The following FAT2 variants were observed in gnomAD, a reference collection of about 807,000 sequenced individuals.
FAT2 encodes the protein FAT atypical cadherin 2.
Under a neutral mutation model 295.3 loss-of-function variants are expected in FAT2, and 150 were observed. That is an observed-to-expected ratio of 0.51 (90% CI 0.44 to 0.58). The LOEUF (loss-of-function observed/expected upper bound fraction) is 0.58, where lower values mean the gene tolerates loss of function less well. FAT2 is among the 20% of genes least tolerant of loss of function. The pLI, the probability that FAT2 is intolerant of heterozygous loss-of-function variation, is 0.00. For missense variants in FAT2, 4,868 were observed against 5,442.7 expected, an observed-to-expected ratio of 0.89 and a Z score of 3.32; for synonymous variants, 2,026 against 2,150.3, an observed-to-expected ratio of 0.94 and a Z score of 1.60.
rs201146029 is a variant in FAT2 at position 151,537,763 on chromosome 5, T to C, written c.9193+30A>G. The C allele has an allele frequency of 3.8e-6, 6 of 1,593,036 alleles. No individual in the cohort carries two copies. In the African/African-American group the frequency reaches 8.1e-5, roughly 21 times the overall value. On this transcript the variant is annotated intron_variant, in intron 12 of 23. Transcript: ENST00000261800. ...ACTTGGTATTCAGTAAAGAAGTTCT[T>C]GTTTTGATCCTGCAGCTCAGGAAAC...
rs763849585 is a variant in FAT2 at position 151,505,979 on chromosome 5, G to C, written c.12636C>G (p.Thr4212=). The C allele has an allele frequency of 6.4e-7, 1 of 1,573,830 alleles. No individual in the cohort carries two copies. Among genetic ancestry groups the C allele is most frequent in the South Asian group, 1.2e-5 (1 of 84,174 alleles). Residue 4212 remains threonine, a synonymous_variant, in exon 24 of 24, where the codon ACC becomes ACG. Transcript: ENST00000261800. ...CATTAGGCTCTGGCATCACGACTGG[G>C]GTTGAGTGGCGGTGAGCCGAGGGCG... ...PLPPSAHRHS[T]PVVMPEPNGL...
In FAT2 at chr5:151,568,258, T is replaced by G. The variant is rs1377634007; in HGVS notation, c.674A>C (p.Asp225Ala). 1 of 1,614,138 alleles carries G rather than the reference T, an allele frequency of 6.2e-7. No individual in the cohort carries two copies. The highest frequency in any genetic ancestry group is 1.1e-5 in the South Asian group (1 of 91,080). Reference protein sequence around the residue: ...GKHELQVLAVDRMRKISEGNG... With the variant: ...GKHELQVLAVARMRKISEGNG... ...GCCCTCAGAGATTTTCCGCATGCGG[T>G]CCACAGCTAGCACCTGGAGCTCATG... Residue 225 changes from aspartate (D) to alanine (A), a missense_variant, in exon 2 of 24, where the codon GAC becomes GCC. Around this residue, in one of 5 missense-constraint regions of FAT2, gnomAD observed 3,297 missense variants for 3,669.4 expected, o/e 0.90. Transcript: ENST00000261800.
At chr5:151,525,601 G>T (rs1358976124) in intron 18 of FAT2, among the ~76,000 whole-genome samples, 167 bp downstream of exon 18, 1 of 152,180 alleles carries the variant, frequency 6.6e-6, no homozygotes, top group Non-Finnish European at 1.5e-5. Flanking sequence ...AACTATACCT[G>T]CCCTGAGTGT....
chr5:151,523,986 A>G (rs1300445195), intron 18 of FAT2, among the ~76,000 whole-genome samples: 2 of 152,076 alleles, frequency 1.3e-5, no homozygotes, highest in East Asian at 3.9e-4. Flanking sequence ...ACCAACTCCT[A>G]TCAATTTACA....
Position 151,565,691 on chromosome 5 carries a change from T to C in FAT2, c.3241A>G (p.Ser1081Gly). The C allele has an allele frequency of 4.4e-6, 6 of 1,358,660 alleles. No homozygotes were observed. The highest frequency in any genetic ancestry group is 5.9e-6 in the Non-Finnish European group (6 of 1,014,628). 84.2% of individuals were successfully genotyped at this position (1,358,660 alleles called of 1,614,324 possible). A position where few individuals can be genotyped will look rare whatever the true frequency, so the allele number is the denominator to read the frequency against. The part of the protein sequence containing the change: ...LRAGTGLAAF[S>G]INQDTGMIQT... ...CCAGTACCTGTATCTTGGTTGATGC[T>C]GAAGGCTGCGAGTCCAGTGCCAGCA... is the stretch of plus-strand genomic sequence containing the variant. Residue 1081 changes from serine (S) to glycine (G), a missense_variant, in exon 2 of 24, where the codon AGC becomes GGC. Transcript: ENST00000261800.
rs1275042412 is a variant in FAT2, at chr5:151,566,174, C to T, written c.2758G>A (p.Asp920Asn). 7 of 1,614,110 alleles carry T rather than the reference C, an allele frequency of 4.3e-6. No homozygotes were observed. Among genetic ancestry groups the T allele is most frequent in the Non-Finnish European group, 5.9e-6 (7 of 1,180,038 alleles). Residue 920 changes from aspartate to asparagine, a missense_variant, in exon 2 of 24, where the codon GAC becomes AAC. Asp to Asn is a conservative substitution (Grantham distance 23, BLOSUM62 1). Transcript: ENST00000261800. ...DLIITLEDVNDNSPQCITEHN... is the reference protein window; with the variant it reads ...DLIITLEDVNNNSPQCITEHN... ...TCTGTGATGCACTGGGGAGAGTTGT[C>T]GTTGACATCCTCCAATGTGATTATC...
chr5:151,530,919 A>C (rs905646336), intron 14 of FAT2, among the ~76,000 whole-genome samples: 4 of 152,118 alleles, frequency 2.6e-5, no homozygotes, highest in African/African-American at 9.7e-5. Context: ...GGTAAATTTT[A>C]AAAAATATTG....
Position 151,505,703 on chromosome 5 carries a change from T to C in FAT2, c.12912A>G (p.Arg4304=). 2 of 1,613,884 alleles carry C rather than the reference T, an allele frequency of 1.2e-6. No homozygotes were observed. Among genetic ancestry groups the C allele is most frequent in the Non-Finnish European group, 1.7e-6 (2 of 1,179,902 alleles). ...CACAGACAGCATAAGAGGGCCCAGCTCGGCTGAGGCGCATACCCACCCCCT... is the reference window on the plus strand; with the variant it reads ...CACAGACAGCATAAGAGGGCCCAGCCCGGCTGAGGCGCATACCCACCCCCT... The part of the protein sequence containing the change: ...GYKGVGMRLS[R]AGPSYAVCEV... Residue 4304 remains arginine, a synonymous_variant, in exon 24 of 24, where the codon CGA becomes CGG. Transcript: ENST00000261800.
At chr5:151,576,370 G>GA (rs1474756134) in intron 1 of FAT2, among the ~76,000 whole-genome samples, 1 of 152,116 alleles carries the variant, frequency 6.6e-6, no homozygotes, top group Non-Finnish European at 1.5e-5. Context: ...GTGCATATTA[G>GA]AATTACCAGG....
chr5:151,579,747 A>G (rs758392253), intron 1 of FAT2, among the ~76,000 whole-genome samples: 61 of 152,188 alleles, frequency 4.0e-4, no homozygotes, highest in Admixed American at 9.2e-4. Context: ...TAAAAAAAAA[A>G]AGAGAGAGAA....
chr5:151,569,143 C>A (rs923749644), intron 1 of FAT2, among the ~76,000 whole-genome samples, 192 bp from the exon 2 acceptor site: 5 of 152,164 alleles, frequency 3.3e-5, no homozygotes, highest in African/African-American at 9.7e-5. Context: ...TACTGCTAAA[C>A]AACCTACAAT....
At chr5:151,509,409 G>A (rs570671046) in intron 22 of FAT2, 2 of 152,680 alleles carry the variant, frequency 1.3e-5, no homozygotes, top group African/African-American at 4.8e-5. Context: ...CTGGGTCACG[G>A]ACCCATACTG....
chr5:151,584,572 C>T (rs988985857), intron 1 of FAT2, among the ~76,000 whole-genome samples: 3 of 152,162 alleles, frequency 2.0e-5, no homozygotes, highest in South Asian at 2.1e-4. Context: ...TTGGCTGCAC[C>T]GCATACGGTC....
At chr5:151,538,481 G>A (rs1354614521) in intron 11 of FAT2, among the ~76,000 whole-genome samples, 1 of 152,124 alleles carries the variant, frequency 6.6e-6, no homozygotes, top group Non-Finnish European at 1.5e-5. Flanking sequence ...CCATCGCTTG[G>A]CCCACCCTCC....
At chr5:151,576,233 G>C (rs962849571) in intron 1 of FAT2, among the ~76,000 whole-genome samples, 1 of 152,298 alleles carries the variant, frequency 6.6e-6, no homozygotes, top group Middle Eastern at 3.4e-3. Context: ...ATAGGAACAA[G>C]GGGGTATTTT....
At chr5:151,579,838 G>A (rs1459618662) in intron 1 of FAT2, among the ~76,000 whole-genome samples, 2 of 151,928 alleles carry the variant, frequency 1.3e-5, no homozygotes, top group Admixed American at 1.3e-4. Flanking sequence ...CACATGCATG[G>A]CACCTAGTAG....
intron 4 of FAT2, among the ~76,000 whole-genome samples, chr5:151,556,074 A>G (rs369829726): frequency 6.6e-6 from 1 of 152,272 alleles, no homozygotes; most frequent in South Asian, 2.1e-4. Flanking sequence ...TACATAGCAC[A>G]CATGTACTGC....
chr5:151,522,747 G>A (rs1026298414), intron 18 of FAT2, among the ~76,000 whole-genome samples: 4 of 152,144 alleles, frequency 2.6e-5, no homozygotes, highest in Non-Finnish European at 5.9e-5. Context: ...ACAGACAGAG[G>A]GAGCAGCAAG....
intron 21 of FAT2, chr5:151,510,422 T>G (rs1203643043): frequency 2.4e-6 from 1 of 422,872 alleles, no homozygotes; most frequent in Non-Finnish European, 4.4e-6. Flanking sequence ...ATAAACAGGA[T>G]AACAACCATA....
Sources: gnomAD v4.1 joint callset for allele counts (sites outside exome capture counted in the v4.1 genomes callset) on GRCh38, gnomAD v4.1.1 for gene constraint, gnomAD v4.1.1 regional missense constraint, MANE v1.5 for transcripts, NCBI Gene and HGNC (gene_info 2026-07-23, HGNC 2026-07-21) for gene names.